Variants in KCND3 observed in about 807,000 individuals in gnomAD.
The protein encoded by KCND3 is potassium voltage-gated channel subfamily D member 3.
A neutral mutation model predicts 51.1 loss-of-function variants in KCND3; 9 were observed. The observed-to-expected ratio is 0.18, with a 90% CI of 0.11 to 0.31. The LOEUF (loss-of-function observed/expected upper bound fraction) is 0.31, where lower values mean the gene tolerates loss of function less well. KCND3 is among the 10% of genes least tolerant of loss of function. The probability of loss-of-function intolerance (pLI) is 1.00; values close to 1 mark genes in which losing one functional copy is unlikely to be tolerated. For missense variants in KCND3, 526 were observed against 903.8 expected (o/e 0.58, Z 5.36); for synonymous variants, 349 against 368.0 (o/e 0.95, Z 0.59).
intron 2 of KCND3, among the ~76,000 whole-genome samples, chr1:111,943,039 C>A (rs1263661999): frequency 6.6e-6 from 1 of 152,094 alleles, no homozygotes; most frequent in African/African-American, 2.4e-5. Flanking sequence ...GGGACAACTT[C>A]TAGCAGAGGT....
rs192659852 is a variant in KCND3, at chr1:111,807,585, A to G, written c.1107-20479T>C. Reference sequence around the variant, plus strand: ...CAGCTACTTGGGAGCCTGAGGCAGGAGAATCACTTGAACCTGGGAAGCAGA... The same window carrying G: ...CAGCTACTTGGGAGCCTGAGGCAGGGGAATCACTTGAACCTGGGAAGCAGA... On this transcript the variant is annotated intron_variant, in intron 2 of 7. Coordinates refer to ENST00000302127, the MANE Select transcript of KCND3 (RefSeq NM_001378969.1). Among the ~76,000 whole-genome samples the G allele has an allele frequency of 2.1e-3, 322 of 152,364 alleles. 5 individuals carry two copies. The highest frequency in any genetic ancestry group is 7.1e-3 in the African/African-American group (297 of 41,578).
intron 2 of KCND3, among the ~76,000 whole-genome samples, chr1:111,972,491 C>G (rs1182921144): frequency 6.6e-6 from 1 of 152,174 alleles, no homozygotes; most frequent in Non-Finnish European, 1.5e-5. Context: ...ATATCTTAAA[C>G]ACTAGCAAAC....
chr1:111,944,020 G>A (rs1486021480), intron 2 of KCND3, among the ~76,000 whole-genome samples: 1 of 152,244 alleles, frequency 6.6e-6, no homozygotes, highest in Non-Finnish European at 1.5e-5. Context: ...TGTCAGGAAA[G>A]CATAAAGACA....
In KCND3 at chr1:111,982,664, C is replaced by G. The variant is rs923682288; in HGVS notation, c.63G>C (p.Pro21=). 9.3e-6 allele frequency: 15 copies of G among 1,612,378 alleles called. No homozygotes were observed. Among genetic ancestry groups the G allele is most frequent in the Non-Finnish European group, 1.3e-5 (15 of 1,179,842 alleles). ...FARAAAIGWM[P]VANCPMPLAP... ...CCAGGGGCATGGGGCAGTTGGCCAC[C>G]GGCATCCACCCGATGGCCGCAGCCC... Residue 21 remains proline, a synonymous_variant, in exon 2 of 8, where the codon CCG becomes CCC. Transcript: ENST00000302127. This position sits in a 1 kb window ranked among gnomAD's most constrained non-coding sequence, Gnocchi z 8.5.
Position 111,852,920 on chromosome 1 carries a change from C to G in KCND3, c.1107-65814G>C, listed in dbSNP as rs80259849. Among the ~76,000 whole-genome samples the G allele has an allele frequency of 2.0e-4, 31 of 152,326 alleles. No individual in the cohort carries two copies. The East Asian group carries it at 6.0e-3, about 29-fold the overall frequency. Reference sequence around the variant, plus strand: ...CCTGCTCTCCCACAGCACCCTTTCCCTCCCCAAGTCCTGAGCACCACATTG... The same window carrying G: ...CCTGCTCTCCCACAGCACCCTTTCCGTCCCCAAGTCCTGAGCACCACATTG... On this transcript the variant is annotated intron_variant, in intron 2 of 7. Transcript: ENST00000302127.
chr1:111,968,089 G>T (rs1347666153), intron 2 of KCND3, among the ~76,000 whole-genome samples: 2 of 152,200 alleles, frequency 1.3e-5, no homozygotes, highest in African/African-American at 4.8e-5. Flanking sequence ...ACAATGCGTG[G>T]GGGTGAGAAG....
chr1:111,894,371 G>T (rs997853981), intron 2 of KCND3, among the ~76,000 whole-genome samples: 2 of 152,110 alleles, frequency 1.3e-5, no homozygotes, highest in Non-Finnish European at 2.9e-5. Context: ...TTCTCAGAGA[G>T]GCCTTTCCTC....
At chr1:111,776,721 A>G (rs1191991538) in intron 7 of KCND3, among the ~76,000 whole-genome samples, 2 of 152,104 alleles carry the variant, frequency 1.3e-5, no homozygotes, top group Non-Finnish European at 2.9e-5. Context: ...CATTCCTTGT[A>G]CCAGATCAGG....
At chr1:111,984,862 T>C (rs1220453143) in intron 1 of KCND3, among the ~76,000 whole-genome samples, 1 of 152,192 alleles carries the variant, frequency 6.6e-6, no homozygotes. Context: ...ACTCTCTCTG[T>C]GATGCTTCCT....
intron 2 of KCND3, among the ~76,000 whole-genome samples, chr1:111,923,668 G>T (rs1671574923): frequency 6.6e-6 from 1 of 152,166 alleles, no homozygotes; most frequent in Non-Finnish European, 1.5e-5. Flanking sequence ...TTTCTGTACT[G>T]CCAGCTAAGG....
intron 2 of KCND3, among the ~76,000 whole-genome samples, chr1:111,958,431 A>G (rs1673450813): frequency 6.6e-6 from 1 of 152,188 alleles, no homozygotes; most frequent in African/African-American, 2.4e-5. Context: ...TCACTGACAA[A>G]CAAAGCAGAA....
chr1:111,964,477 G>A (rs1673854712), intron 2 of KCND3, among the ~76,000 whole-genome samples: 1 of 151,816 alleles, frequency 6.6e-6, no homozygotes, highest in African/African-American at 2.4e-5. Flanking sequence ...GGGGGCAGCA[G>A]AGCCCTGGTC....
chr1:111,883,477 AAAG>A (rs1669430349), intron 2 of KCND3, among the ~76,000 whole-genome samples: 1 of 152,210 alleles, frequency 6.6e-6, no homozygotes, highest in South Asian at 2.1e-4. Context: ...CCGCCTATTT[AAAG>A]AAGCCTCCCT....
At chr1:111,907,560 G>T (rs541102463) in intron 2 of KCND3, among the ~76,000 whole-genome samples, 5 of 152,200 alleles carry the variant, frequency 3.3e-5, no homozygotes, top group South Asian at 2.1e-4. Flanking sequence ...CTACAATCAC[G>T]TGAGGGTTCT....
rs139676355 is a variant in KCND3, at chr1:111,914,688, G to T, written c.1106+66933C>A. ...TCAAGCAAAAATATCAATCAGAGATGAAAGCAGAATAAATACTTTTTCAGA... is the reference window on the plus strand; with the variant it reads ...TCAAGCAAAAATATCAATCAGAGATTAAAGCAGAATAAATACTTTTTCAGA... On this transcript the variant is annotated intron_variant, in intron 2 of 7. Transcript: ENST00000302127. Among the ~76,000 whole-genome samples the T allele has an allele frequency of 4.3e-3, 652 of 152,282 alleles. 4 individuals are homozygous for T. Among genetic ancestry groups the T allele is most frequent in the African/African-American group, 0.015 (618 of 41,560 alleles).
At chr1:111,826,809 A>G (rs1018007838) in intron 2 of KCND3, among the ~76,000 whole-genome samples, 1 of 152,226 alleles carries the variant, frequency 6.6e-6, no homozygotes, top group African/African-American at 2.4e-5. Context: ...ATCACCTGAA[A>G]TATGCTGATC....
intron 2 of KCND3, among the ~76,000 whole-genome samples, chr1:111,889,565 T>C (rs906688908): frequency 2.6e-5 from 4 of 152,062 alleles, no homozygotes; most frequent in African/African-American, 2.4e-5. Flanking sequence ...TTTTAAATCA[T>C]TTTAGGAGAA....
chr1:111,876,619 A>G (rs1210671422), intron 2 of KCND3, among the ~76,000 whole-genome samples: 6 of 152,238 alleles, frequency 3.9e-5, no homozygotes, highest in Admixed American at 3.9e-4. Flanking sequence ...CCAAACACTC[A>G]TGGGACCTAT....
chr1:111,787,725 C>A (rs1427344274), intron 2 of KCND3, among the ~76,000 whole-genome samples: 1 of 152,180 alleles, frequency 6.6e-6, no homozygotes, highest in Non-Finnish European at 1.5e-5. Flanking sequence ...AACAGAATCT[C>A]ATTTATGATG....
Sources: allele counts gnomAD v4.1 joint callset (sites outside exome capture counted in the v4.1 genomes callset), GRCh38; gene constraint gnomAD v4.1.1; non-coding constraint Gnocchi (gnomAD v3.1); transcripts MANE v1.5; gene names NCBI Gene and HGNC (gene_info 2026-07-23, HGNC 2026-07-21).